LRMDA: variants seen among roughly 807,000 people sequenced by gnomAD.
The protein encoded by LRMDA is leucine-rich melanocyte differentiation-associated protein.
Under a neutral mutation model 29.8 loss-of-function variants are expected in LRMDA, and 18 were observed. That is an observed-to-expected ratio of 0.60 (90% confidence interval 0.42 to 0.90). The LOEUF (loss-of-function observed/expected upper bound fraction) is 0.90. Ranked by LOEUF, LRMDA falls within the 40% of genes least tolerant of loss-of-function variation. The pLI is 0.00. For missense variants in LRMDA, 273 were observed against 273.9 expected (o/e 1.00, Z 0.02); for synonymous variants, 125 against 109.4 (o/e 1.14, Z -0.89).
At position 75,442,774 on chromosome 10, in the gene LRMDA, C is replaced by T. The variant is rs370672911; in HGVS notation, c.131+4280C>T. On this transcript the variant is annotated intron_variant, in intron 2 of 6. Transcript: ENST00000611255. ...AAATTTAGGATTTTTTTTTCTATTT[C>T]TGTGAAAAATGCCATTGGAATTTTG... Among the ~76,000 whole-genome samples, 4 of 151,232 alleles carry T rather than the reference C, an allele frequency of 2.6e-5. No homozygotes were observed. In the South Asian group the frequency reaches 8.3e-4, roughly 31 times the overall value.
At chr10:75,563,345 T>C (rs1328007398) in intron 2 of LRMDA, among the ~76,000 whole-genome samples, 1 of 152,168 alleles carries the variant, frequency 6.6e-6, no homozygotes, top group African/African-American at 2.4e-5. Context: ...TTCTGCATTC[T>C]TCACGTAGTT....
intron 5 of LRMDA, among the ~76,000 whole-genome samples, chr10:76,073,936 G>A (rs1370693552): frequency 6.6e-6 from 1 of 152,278 alleles, no homozygotes; most frequent in Non-Finnish European, 1.5e-5. Context: ...TTAGTGGCAC[G>A]AAGTCCTGAT....
At chr10:75,858,973 T>A (rs1463996588) in intron 2 of LRMDA, among the ~76,000 whole-genome samples, 3 of 152,272 alleles carry the variant, frequency 2.0e-5, no homozygotes, top group Admixed American at 2.0e-4. Context: ...TATAGTGCTG[T>A]ATACATTCAG....
chr10:75,686,471 C>T (rs189284607), intron 2 of LRMDA, among the ~76,000 whole-genome samples: 165 of 152,270 alleles, frequency 1.1e-3, no homozygotes, highest in African/African-American at 3.9e-3. Context: ...GGCTGTCTTC[C>T]CAACCAGACT....
intron 2 of LRMDA, among the ~76,000 whole-genome samples, chr10:75,449,787 T>G (rs1844438950): frequency 6.6e-6 from 1 of 152,158 alleles, no homozygotes; most frequent in Non-Finnish European, 1.5e-5. Context: ...GAGATGTGGT[T>G]CAGATCAGAG....
chr10:76,479,374 C>T (rs914175825), intron 6 of LRMDA, among the ~76,000 whole-genome samples: 16 of 151,886 alleles, frequency 1.1e-4, no homozygotes, highest in Non-Finnish European at 2.1e-4. Flanking sequence ...GGTGTGTAAC[C>T]TGTGCAGTCA....
chr10:76,081,509 A>G (rs1405635982), intron 5 of LRMDA, among the ~76,000 whole-genome samples: 1 of 152,196 alleles, frequency 6.6e-6, no homozygotes, highest in Non-Finnish European at 1.5e-5. Flanking sequence ...TTTATATAAA[A>G]TCAGATATAG....
chr10:75,436,447 G>A (rs897534509), intron 1 of LRMDA, among the ~76,000 whole-genome samples: 10 of 151,856 alleles, frequency 6.6e-5, no homozygotes, highest in African/African-American at 1.2e-4. Flanking sequence ...CATTGTGAAC[G>A]TACAATACAG....
chr10:75,558,224 T>C (rs1179560177), intron 2 of LRMDA, among the ~76,000 whole-genome samples: 5 of 151,918 alleles, frequency 3.3e-5, no homozygotes, highest in Non-Finnish European at 7.4e-5. Flanking sequence ...AAAAAACTTT[T>C]AGAAGTACCT....
intron 2 of LRMDA, among the ~76,000 whole-genome samples, chr10:75,832,466 A>G (rs1387236759): frequency 2.0e-5 from 3 of 152,170 alleles, no homozygotes; most frequent in African/African-American, 4.8e-5. Flanking sequence ...TCATTCAACA[A>G]GTCTCTAGGG....
chr10:75,653,183 A>G (rs1447633908), intron 2 of LRMDA, among the ~76,000 whole-genome samples: 1 of 152,240 alleles, frequency 6.6e-6, no homozygotes, highest in Non-Finnish European at 1.5e-5. Context: ...CCAGGTGAAG[A>G]TAAAAGACTT....
At chr10:75,543,194 G>T (rs570108613) in intron 2 of LRMDA, among the ~76,000 whole-genome samples, 2 of 152,162 alleles carry the variant, frequency 1.3e-5, no homozygotes, top group African/African-American at 2.4e-5. Flanking sequence ...TTGCTTTCCC[G>T]CAGTAATGAC....
intron 5 of LRMDA, among the ~76,000 whole-genome samples, chr10:76,209,590 T>G (rs1851599873): frequency 6.6e-6 from 1 of 152,200 alleles, no homozygotes; most frequent in Non-Finnish European, 1.5e-5. Context: ...CTGGGGTCCT[T>G]GCTTTGAGTT....
At chr10:75,770,011 A>G (rs187672751) in intron 2 of LRMDA, among the ~76,000 whole-genome samples, 127 of 152,110 alleles carry the variant, frequency 8.3e-4, no homozygotes, top group Non-Finnish European at 1.4e-3. Flanking sequence ...GTTGGGTGTG[A>G]TGGTTCAAGC....
intron 2 of LRMDA, among the ~76,000 whole-genome samples, chr10:75,920,106 C>G (rs1188786239): frequency 6.6e-6 from 1 of 152,108 alleles, no homozygotes; most frequent in African/African-American, 2.4e-5. Flanking sequence ...TTAGGGCCCT[C>G]CCTATGTTCC....
At chr10:76,548,371 C>G (rs1358693111) in intron 6 of LRMDA, among the ~76,000 whole-genome samples, 6 of 151,316 alleles carry the variant, frequency 4.0e-5, no homozygotes, top group African/African-American at 1.5e-4. Flanking sequence ...ACAGAGAATC[C>G]TTATAGGACA....
At chr10:75,564,259 C>T (rs1193021492) in intron 2 of LRMDA, among the ~76,000 whole-genome samples, 4 of 152,174 alleles carry the variant, frequency 2.6e-5, no homozygotes, top group Admixed American at 6.5e-5. Context: ...CCCCCAGCCT[C>T]GCTGACGCCT....
chr10:75,747,022 G>T (rs1290516897), intron 2 of LRMDA, among the ~76,000 whole-genome samples: 1 of 152,094 alleles, frequency 6.6e-6, no homozygotes, highest in Non-Finnish European at 1.5e-5. Flanking sequence ...ATGGGAATTA[G>T]AGTAGCTGAT....
At chr10:75,555,920 CAAAA>C (rs1329444876) in intron 2 of LRMDA, among the ~76,000 whole-genome samples, 2 of 151,970 alleles carry the variant, frequency 1.3e-5, no homozygotes, top group African/African-American at 2.4e-5. Context: ...TAATATCAAA[CAAAA>C]AAATTCACTG....
Sources: allele counts gnomAD v4.1 joint callset (sites outside exome capture counted in the v4.1 genomes callset), GRCh38; gene constraint gnomAD v4.1.1; transcripts MANE v1.5; gene names NCBI Gene and HGNC (gene_info 2026-07-23, HGNC 2026-07-21).